Variants in RANBP2 observed in about 807,000 individuals in gnomAD.
The protein encoded by RANBP2 is E3 SUMO-protein ligase RanBP2.
In RANBP2, 57 loss-of-function variants were observed where a neutral mutation model predicts 303.6. The observed-to-expected ratio is 0.19, with a 90% confidence interval of 0.15 to 0.23. RANBP2 has a LOEUF of 0.23. Ranked by LOEUF, RANBP2 falls within the 10% of genes least tolerant of loss-of-function variation. The pLI, the probability that RANBP2 is intolerant of heterozygous loss-of-function variation, is 1.00. For missense variants in RANBP2, 3,138 were observed against 3,780.8 expected (o/e 0.83, Z 4.46); for synonymous variants, 1,167 against 1,301.5 (o/e 0.90, Z 2.23).
At chr2:109,528,682 G>A in the RANBP2 span, among the ~76,000 whole-genome samples, 7 of 152,314 alleles carry the variant, frequency 4.6e-5, no homozygotes, top group African/African-American at 1.4e-4. Flanking sequence ...AGGAGGGGTC[G>A]GAGCAGAGGC....
chr2:109,437,189 G>T, the RANBP2 span: 1 of 1,562,096 alleles, frequency 6.4e-7, no homozygotes, highest in East Asian at 2.3e-5. Context: ...TCAACAAGGG[G>T]GCTTCCTGGG....
At chr2:109,494,164 A>G in the RANBP2 span, among the ~76,000 whole-genome samples, 1 of 152,182 alleles carries the variant, frequency 6.6e-6, no homozygotes, top group Non-Finnish European at 1.5e-5. Flanking sequence ...AGACACCTCA[A>G]TAAAAAGTAT....
the RANBP2 span, among the ~76,000 whole-genome samples, chr2:109,157,693 T>C: frequency 1.3e-5 from 2 of 152,192 alleles, no homozygotes; most frequent in Non-Finnish European, 2.9e-5. Flanking sequence ...CTGCCTGTTT[T>C]ATCACCTACA....
At chr2:109,369,155 C>A in the RANBP2 span, among the ~76,000 whole-genome samples, 1 of 150,922 alleles carries the variant, frequency 6.6e-6, no homozygotes, top group African/African-American at 2.4e-5. Flanking sequence ...CCATCCTGGC[C>A]AACATGGTGA....
chr2:109,330,329 T>A, the RANBP2 span, among the ~76,000 whole-genome samples: 1 of 152,250 alleles, frequency 6.6e-6, no homozygotes, highest in Non-Finnish European at 1.5e-5. Flanking sequence ...ATTCTTCTCT[T>A]GTGCCTATCT....
chr2:108,858,118 C>T, the RANBP2 span, among the ~76,000 whole-genome samples: 12 of 152,148 alleles, frequency 7.9e-5, no homozygotes, highest in Non-Finnish European at 1.3e-4. Context: ...CCGAGGCGGG[C>T]AGATCACTGG....
the RANBP2 span, among the ~76,000 whole-genome samples, chr2:109,104,790 G>A: frequency 6.6e-6 from 1 of 152,130 alleles, no homozygotes; most frequent in Admixed American, 6.5e-5. Context: ...GCCGGGATTA[G>A]GTTTTTATTT....
At chr2:109,349,672 C>A in the RANBP2 span, among the ~76,000 whole-genome samples, 7 of 152,324 alleles carry the variant, frequency 4.6e-5, no homozygotes, top group African/African-American at 1.7e-4. Flanking sequence ...AGAGCCGAGG[C>A]CCTCCTCCAG....
chr2:109,417,594 G>T, the RANBP2 span, among the ~76,000 whole-genome samples: 2 of 152,160 alleles, frequency 1.3e-5, no homozygotes, highest in Non-Finnish European at 2.9e-5. Flanking sequence ...GCTCTCTCAG[G>T]ATCCTTTGAA....
chr2:108,979,805 T>C, the RANBP2 span, among the ~76,000 whole-genome samples: 1 of 152,120 alleles, frequency 6.6e-6, no homozygotes, highest in African/African-American at 2.4e-5. Context: ...GTTTCTTCAC[T>C]TTGGCCATCT....
At chr2:109,454,521 G>A in the RANBP2 span, among the ~76,000 whole-genome samples, 4 of 152,166 alleles carry the variant, frequency 2.6e-5, no homozygotes, top group South Asian at 2.1e-4. Context: ...CGGTGAGAGC[G>A]CTCCCGCCGG....
chr2:109,304,768 G>A, the RANBP2 span, among the ~76,000 whole-genome samples: 1 of 152,202 alleles, frequency 6.6e-6, no homozygotes, highest in Non-Finnish European at 1.5e-5. Context: ...GTGGAGGAAA[G>A]GAGCAGGGAC....
the RANBP2 span, among the ~76,000 whole-genome samples, chr2:109,099,848 T>C: frequency 1.3e-5 from 2 of 152,220 alleles, no homozygotes; most frequent in Non-Finnish European, 2.9e-5. Context: ...TCCTCTTAAG[T>C]ACTGGGGGTT....
the RANBP2 span, chr2:109,436,917 G>A: frequency 2.5e-5 from 40 of 1,613,410 alleles, 1 homozygote; most frequent in African/African-American, 1.5e-4. Flanking sequence ...GGGCAGGGCC[G>A]CCCCGGAATA....
intron 1 of RANBP2, among the ~76,000 whole-genome samples, chr2:108,719,932 C>T (rs1490716736): frequency 6.6e-6 from 1 of 152,108 alleles, no homozygotes; most frequent in Admixed American, 6.5e-5. Context: ...TTGTTCCCGA[C>T]GGTGCTCGCT....
the RANBP2 span, among the ~76,000 whole-genome samples, chr2:109,273,145 A>G: frequency 1.3e-5 from 2 of 152,226 alleles, no homozygotes; most frequent in Admixed American, 1.3e-4. Context: ...TGAATTTTAA[A>G]ATCCGCTGTA....
chr2:109,224,783 G>A, the RANBP2 span, among the ~76,000 whole-genome samples: 1 of 152,160 alleles, frequency 6.6e-6, no homozygotes, highest in Non-Finnish European at 1.5e-5. Flanking sequence ...CTTGAAACCT[G>A]GAGAGGGAGG....
At chr2:109,475,459 G>A in the RANBP2 span, among the ~76,000 whole-genome samples, 1 of 152,208 alleles carries the variant, frequency 6.6e-6, no homozygotes, top group Non-Finnish European at 1.5e-5. Flanking sequence ...GCAAAAGCTG[G>A]GAGAGGAATG....
At chr2:109,534,799 G>GTT in the RANBP2 span, among the ~76,000 whole-genome samples, 1 of 143,756 alleles carries the variant, frequency 7.0e-6, no homozygotes, top group Non-Finnish European at 1.5e-5. Context: ...GGGAGTGAAA[G>GTT]TTGTTTTGTT....
Sources: gnomAD v4.1 joint callset for allele counts (sites outside exome capture counted in the v4.1 genomes callset) on GRCh38, gnomAD v4.1.1 for gene constraint, MANE v1.5 for transcripts, NCBI Gene and HGNC (gene_info 2026-07-23, HGNC 2026-07-21) for gene names.